Variants in KCNC2 observed in about 807,000 individuals in gnomAD.
KCNC2 encodes potassium voltage-gated channel subfamily C member 2.
In KCNC2, 21 loss-of-function variants were observed where a neutral mutation model predicts 44.5. That is an observed-to-expected ratio of 0.47 (90% CI 0.33 to 0.68). The LOEUF (loss-of-function observed/expected upper bound fraction) is 0.68. Ranked by LOEUF, KCNC2 falls within the 30% of genes least tolerant of loss-of-function variation. KCNC2 has a pLI of 0.01. For missense variants in KCNC2, 589 were observed against 826.2 expected (o/e 0.71, Z 3.52); for synonymous variants, 391 against 339.1 (o/e 1.15, Z -1.68).
In KCNC2 at chr12:75,135,394, C is replaced by T. The variant is rs1311437534; in HGVS notation, c.687+71903G>A. Among the ~76,000 whole-genome samples the T allele has an allele frequency of 5.3e-5, 8 of 152,040 alleles. No homozygotes were observed. In the East Asian group the frequency reaches 1.5e-3, roughly 29 times the overall value. On this transcript the variant is annotated intron_variant, in intron 2 of 4. Transcript: ENST00000549446. ...GTTATTCCAGTTGTACATTCAAATA[C>T]ATACTGCATGCAGACTAAAAATCCA...
Position 75,197,713 on chromosome 12 carries a change from T to C in KCNC2, c.687+9584A>G, listed in dbSNP as rs74962466. Among the ~76,000 whole-genome samples the C allele has an allele frequency of 1.6e-3, 247 of 152,074 alleles. 6 individuals are homozygous for C. The East Asian group carries it at 0.036, about 22-fold the overall frequency. ...GATGCTTTTTTTCTTTCCCAGTTTG[T>C]TTAGTTAAAGGAGAATGTACAAATC... On this transcript the variant is annotated intron_variant, in intron 2 of 4. Transcript: ENST00000549446.
intron 2 of KCNC2, among the ~76,000 whole-genome samples, chr12:75,132,097 C>T (rs2137347836): frequency 6.6e-6 from 1 of 152,150 alleles, no homozygotes; most frequent in Middle Eastern, 3.4e-3. Context: ...AGTCAAGCTT[C>T]CACTTTAAGG....
chr12:75,050,149 A>T (rs553132199), intron 3 of KCNC2, among the ~76,000 whole-genome samples: 1 of 151,998 alleles, frequency 6.6e-6, no homozygotes, highest in African/African-American at 2.4e-5. Context: ...CCATCAGCAA[A>T]GGGCATTCCC....
intron 4 of KCNC2, among the ~76,000 whole-genome samples, chr12:75,045,712 T>C (rs1026901085): frequency 6.6e-6 from 1 of 151,982 alleles, no homozygotes; most frequent in Admixed American, 6.6e-5. Context: ...TTCACGAGCA[T>C]GTTTTAGTTT....
intron 2 of KCNC2, among the ~76,000 whole-genome samples, chr12:75,147,809 C>A (rs569650521): frequency 6.6e-6 from 1 of 152,080 alleles, no homozygotes; most frequent in Non-Finnish European, 1.5e-5. Context: ...ACCAAAGTAA[C>A]CTAGTTTTCA....
At chr12:75,056,283 A>T (rs998259253) in intron 2 of KCNC2, among the ~76,000 whole-genome samples, 1 of 152,080 alleles carries the variant, frequency 6.6e-6, no homozygotes, top group Non-Finnish European at 1.5e-5. Context: ...CAATAGAAAA[A>T]TCAGCCTATA....
chr12:75,048,126 T>C lies in KCNC2; in HGVS notation c.1780+27A>G, dbSNP rs199618737. The stretch of plus-strand genomic sequence containing the variant: ...CAACAGTTTATTGCTAAGTCACCTG[T>C]TATGATCTGATTAAATGCATGCCTA... On this transcript the variant is annotated intron_variant, in intron 4 of 4. Transcript: ENST00000549446. 119 of 1,605,102 alleles carry C rather than the reference T, an allele frequency of 7.4e-5. No homozygotes were observed. In the Middle Eastern group the frequency reaches 1.5e-3, roughly 20 times the overall value.
chr12:75,050,433 T>C lies in KCNC2; in HGVS notation c.1572A>G (p.Thr524=). 1.9e-6 allele frequency: 3 copies of C among 1,613,360 alleles called. No homozygotes were observed. Among genetic ancestry groups the C allele is most frequent in the Non-Finnish European group, 2.5e-6 (3 of 1,179,616 alleles). ...NMACNSTQSD[T]CLGKDNRLLE... is the part of the protein sequence containing the mutation. ...GAAGTCGATTGTCTTTGCCCAGACA[T>C]GTGTCACTCTGTGTACTATTGCAGG... The change falls in exon 3 of 5, where the codon ACA becomes ACG. Residue 524 remains threonine (T), a synonymous_variant. Coordinates refer to ENST00000549446, the MANE Select transcript of KCNC2 (RefSeq NM_139137.4).
intron 2 of KCNC2, among the ~76,000 whole-genome samples, chr12:75,107,783 C>T (rs1341615723): frequency 3.3e-5 from 5 of 152,092 alleles, no homozygotes; most frequent in African/African-American, 1.2e-4. Context: ...ATTAATTTTA[C>T]TTTTTCTAAA....
intron 2 of KCNC2, among the ~76,000 whole-genome samples, chr12:75,177,768 A>T (rs1163572019): frequency 6.6e-6 from 1 of 152,010 alleles, no homozygotes; most frequent in Non-Finnish European, 1.5e-5. Flanking sequence ...TAAATTGAAC[A>T]ATTTACCTAC....
chr12:75,048,334 G>A lies in KCNC2; in HGVS notation c.1616-17C>T. The A allele has an allele frequency of 1.3e-6, 2 of 1,591,198 alleles. No individual in the cohort carries two copies. Among genetic ancestry groups the A allele is most frequent in the Non-Finnish European group, 8.5e-7 (1 of 1,170,304 alleles). On this transcript the variant is annotated splice_polypyrimidine_tract_variant and intron_variant, in intron 3 of 4. Coordinates refer to ENST00000549446, the MANE Select transcript of KCNC2 (RefSeq NM_139137.4). ...CTGATAACACTGGTCACAGCACCATGCCCATTGACAGACAGTGATGAATGA... is the reference window on the plus strand; with the variant it reads ...CTGATAACACTGGTCACAGCACCATACCCATTGACAGACAGTGATGAATGA...
At chr12:75,186,306 C>T (rs941841248) in intron 2 of KCNC2, among the ~76,000 whole-genome samples, 5 of 151,964 alleles carry the variant, frequency 3.3e-5, no homozygotes, top group African/African-American at 1.2e-4. Flanking sequence ...CCACTCCAAT[C>T]AAAACAATCG....
At chr12:75,205,452 G>A (rs983483457) in intron 2 of KCNC2, among the ~76,000 whole-genome samples, 39 of 152,098 alleles carry the variant, frequency 2.6e-4, no homozygotes, top group African/African-American at 4.8e-4. Context: ...AAGAAATATC[G>A]TAGTAAATGC....
At chr12:75,073,721 G>A (rs1883641901) in intron 2 of KCNC2, among the ~76,000 whole-genome samples, 1 of 152,156 alleles carries the variant, frequency 6.6e-6, no homozygotes, top group Non-Finnish European at 1.5e-5. Flanking sequence ...GAATGTGTTT[G>A]TTGAATAAGC....
intron 2 of KCNC2, among the ~76,000 whole-genome samples, chr12:75,182,110 AT>A (rs1443518064): frequency 6.6e-6 from 1 of 151,286 alleles, no homozygotes; most frequent in Non-Finnish European, 1.5e-5. Flanking sequence ...TAGAGCTGGA[AT>A]TTCCACCCAG....
At chr12:75,135,158 A>C (rs937892960) in intron 2 of KCNC2, among the ~76,000 whole-genome samples, 2 of 151,910 alleles carry the variant, frequency 1.3e-5, no homozygotes, top group Non-Finnish European at 2.9e-5. Context: ...ATCCACAGTT[A>C]CATAGCAAAT....
At chr12:75,186,260 G>A (rs1892940801) in intron 2 of KCNC2, among the ~76,000 whole-genome samples, 1 of 151,836 alleles carries the variant, frequency 6.6e-6, no homozygotes, top group Admixed American at 6.6e-5. Flanking sequence ...GAAATACACA[G>A]GGCTCTCCCT....
intron 1 of KCNC2, among the ~76,000 whole-genome samples, chr12:75,208,452 G>A (rs1386632651): frequency 7.1e-6 from 1 of 141,308 alleles, no homozygotes; most frequent in Non-Finnish European, 1.5e-5. Flanking sequence ...CTCCTCCCCT[G>A]GTTGGCCTCT....
rs1432820702 is a variant in KCNC2 at position 75,050,880 on chromosome 12, A to G, written c.1125T>C (p.Leu375=). 1.2e-6 allele frequency: 2 copies of G among 1,613,578 alleles called. No homozygotes were observed. The highest frequency in any genetic ancestry group is 2.7e-5 in the African/African-American group (2 of 74,858). ...GCAAAAATTCATTAGTACTAGCTCG[A>G]AGAGTATGTCCAAGCACCCTCAGAC... The part of the protein sequence containing the change: ...FVGLRVLGHT[L]RASTNEFLLL... Residue 375 remains leucine, a synonymous_variant, in exon 3 of 5, where the codon CTT becomes CTC. Coordinates refer to ENST00000549446, the MANE Select transcript of KCNC2 (RefSeq NM_139137.4).
Sources: gnomAD v4.1 joint callset for allele counts (sites outside exome capture counted in the v4.1 genomes callset) on GRCh38, gnomAD v4.1.1 for gene constraint, MANE v1.5 for transcripts, NCBI Gene and HGNC (gene_info 2026-07-23, HGNC 2026-07-21) for gene names.